The following NFE2L2 variants were observed in gnomAD, a reference collection of about 807,000 sequenced individuals.
NFE2L2 encodes nuclear factor erythroid 2-related factor 2.
Under a neutral mutation model 49.6 loss-of-function variants are expected in NFE2L2, and 20 were observed. The ratio of observed to expected loss-of-function variants is 0.40; its 90% CI spans 0.28 to 0.59. The LOEUF (loss-of-function observed/expected upper bound fraction) is 0.59, where lower values mean the gene tolerates loss of function less well. Among genes scored for constraint, NFE2L2 ranks in the 20% least tolerant of loss-of-function variants. The probability of loss-of-function intolerance (pLI) is 0.40; values close to 1 mark genes in which losing one functional copy is unlikely to be tolerated. For synonymous variants in NFE2L2, 244 were observed against 256.5 expected, an observed-to-expected ratio of 0.95 and a Z score of 0.47; for missense variants, 578 against 714.2, an observed-to-expected ratio of 0.81 and a Z score of 2.17.
chr2:177,242,922 G>A (rs1184778845), intron 1 of NFE2L2, among the ~76,000 whole-genome samples: 1 of 150,096 alleles, frequency 6.7e-6, no homozygotes, highest in Non-Finnish European at 1.5e-5. Flanking sequence ...TTTTTTTTTG[G>A]TGGTTTGTGT....
At chr2:177,251,937 C>T (rs1432555507) in intron 1 of NFE2L2, among the ~76,000 whole-genome samples, 9 of 132,458 alleles carry the variant, frequency 6.8e-5, no homozygotes, top group African/African-American at 2.0e-4. Context: ...ACCCGGGAGG[C>T]GGAGCTTGCA....
rs925830138 is a variant in NFE2L2, at chr2:177,230,907, T to C, written c.1696A>G (p.Ser566Gly). 6.2e-7 allele frequency: 1 copy of C among 1,614,132 alleles called. No individual in the cohort carries two copies. Residue 566 changes from serine to glycine, a missense_variant, in exon 5 of 5, where the codon AGC becomes GGC. Ser to Gly is a moderately conservative substitution (Grantham distance 56, BLOSUM62 0). Coordinates refer to ENST00000397062, the MANE Select transcript of NFE2L2 (RefSeq NM_006164.5). The stretch of plus-strand genomic sequence containing the variant: ...TTTCCATCTTCATCACGTAGCATGC[T>C]GAAAACTTCGAGATATAAGGTGCTG... ...QLSTLYLEVF[S>G]MLRDEDGKPY...
In NFE2L2 at chr2:177,233,268, C is replaced by G. The variant is rs199970826; in HGVS notation, c.384G>C (p.Pro128=). The change falls in exon 3 of 5, where the codon CCG becomes CCC. Residue 128 remains proline, a synonymous_variant. Transcript: ENST00000397062. ...ACCTCACCTCATTGTCATCTACAAACGGGAATGTCTGCGCCAAAAGCTGCA... is the reference window on the plus strand; with the variant it reads ...ACCTCACCTCATTGTCATCTACAAAGGGGAATGTCTGCGCCAAAAGCTGCA... The part of the protein sequence containing the change: ...DCMQLLAQTF[P]FVDDNEVSSA... 3 of 1,595,260 alleles carry G rather than the reference C, an allele frequency of 1.9e-6. No homozygotes were observed. The Admixed American group carries it at 5.5e-5, about 29-fold the overall frequency.
At chr2:177,264,367 C>A (rs1415822257) in intron 1 of NFE2L2, 165 bp downstream of exon 1, 3 of 627,398 alleles carry the variant, frequency 4.8e-6, no homozygotes, top group Non-Finnish European at 5.0e-6. Flanking sequence ...TGCCCCTCCC[C>A]GCCCTGCCCC....
At chr2:177,249,881 G>A (rs1690270610) in intron 1 of NFE2L2, among the ~76,000 whole-genome samples, 3 of 152,114 alleles carry the variant, frequency 2.0e-5, no homozygotes, top group Non-Finnish European at 4.4e-5. Flanking sequence ...CAGTTCCTTG[G>A]TTGCATGAGC....
intron 1 of NFE2L2, among the ~76,000 whole-genome samples, chr2:177,247,698 A>G (rs1042605932): frequency 5.9e-5 from 9 of 151,882 alleles, no homozygotes; most frequent in East Asian, 5.8e-4. Flanking sequence ...AAAAAAAAAA[A>G]AAAAGAAAAA....
At chr2:177,255,726 AT>A (rs1186861195) in intron 1 of NFE2L2, among the ~76,000 whole-genome samples, 1 of 151,868 alleles carries the variant, frequency 6.6e-6, no homozygotes, top group Non-Finnish European at 1.5e-5. Flanking sequence ...GATCCAGCTA[AT>A]TTTTTTAATT....
chr2:177,232,791 G>A (rs1172382771), intron 3 of NFE2L2: 1 of 547,872 alleles, frequency 1.8e-6, no homozygotes, highest in East Asian at 2.9e-5. Context: ...TTCAGCTTAA[G>A]CATTTGAAAG....
At chr2:177,245,813 T>C (rs1243772111) in intron 1 of NFE2L2, among the ~76,000 whole-genome samples, 1 of 152,176 alleles carries the variant, frequency 6.6e-6, no homozygotes, top group Non-Finnish European at 1.5e-5. Flanking sequence ...TTTTGCCATG[T>C]TGGCCAAGCT....
chr2:177,263,950 G>A (rs1468238615), intron 1 of NFE2L2: 10 of 985,478 alleles, frequency 1.0e-5, no homozygotes, highest in Non-Finnish European at 3.6e-6. Context: ...GCAAAGCCGC[G>A]CCCACAGACG....
intron 1 of NFE2L2, among the ~76,000 whole-genome samples, chr2:177,250,699 C>T (rs1690305422): frequency 6.6e-6 from 1 of 152,212 alleles, no homozygotes; most frequent in South Asian, 2.1e-4. Flanking sequence ...TCAGGTTTAT[C>T]TTAAAGAACC....
intron 1 of NFE2L2, among the ~76,000 whole-genome samples, chr2:177,251,965 C>T (rs904612386): frequency 7.3e-6 from 1 of 136,874 alleles, no homozygotes; most frequent in Non-Finnish European, 1.5e-5. Flanking sequence ...GAGATCACAC[C>T]AGTCCAGCCT....
chr2:177,233,867 G>T, intron 2 of NFE2L2, 138 bp downstream of exon 2: 1 of 1,142,906 alleles, frequency 8.7e-7, no homozygotes, highest in Non-Finnish European at 1.2e-6. Context: ...CTCATCAGGA[G>T]GCTGAGGTTG....
chr2:177,262,226 G>A (rs1269626416), intron 1 of NFE2L2, among the ~76,000 whole-genome samples: 1 of 152,156 alleles, frequency 6.6e-6, no homozygotes, highest in African/African-American at 2.4e-5. Flanking sequence ...TGAGAGGCCT[G>A]TCCTATTTTT....
At chr2:177,257,975 AC>A (rs759129909) in intron 1 of NFE2L2, among the ~76,000 whole-genome samples, 1 of 152,262 alleles carries the variant, frequency 6.6e-6, no homozygotes, top group Non-Finnish European at 1.5e-5. Context: ...GCCCTAGGGC[AC>A]TGGCTCTCAA....
At chr2:177,263,966 G>A in intron 1 of NFE2L2, 2 of 984,270 alleles carry the variant, frequency 2.0e-6, no homozygotes, top group Non-Finnish European at 2.4e-6. Flanking sequence ...AGACGGCCCA[G>A]CGGGGTGAGC....
intron 1 of NFE2L2, among the ~76,000 whole-genome samples, chr2:177,263,164 G>A (rs1690799986): frequency 6.6e-6 from 1 of 152,216 alleles, no homozygotes. Flanking sequence ...TACAAAGGAT[G>A]AGCAGAAACT....
rs1690841588 is a variant in NFE2L2 at position 177,263,963 on chromosome 2, C to A, written c.45+569G>T. The A allele has an allele frequency of 9.1e-6, 9 of 984,744 alleles. 1 individual carries two copies. The South Asian group carries it at 4.2e-4, about 46-fold the overall frequency. The allele number at this position is 984,744 out of a possible 1,614,324, so 61.0% of individuals were successfully genotyped here. The stretch of plus-strand genomic sequence containing the variant: ...TCGCAAAGCCGCGCCCACAGACGGC[C>A]CAGCGGGGTGAGCGCGTCGCAGCCC... On this transcript the variant is annotated intron_variant, in intron 1 of 4. Coordinates refer to ENST00000397062, the MANE Select transcript of NFE2L2 (RefSeq NM_006164.5).
chr2:177,241,805 T>C (rs1262883755), intron 1 of NFE2L2, among the ~76,000 whole-genome samples: 1 of 152,180 alleles, frequency 6.6e-6, no homozygotes, highest in Non-Finnish European at 1.5e-5. Context: ...CAGTGAGCCA[T>C]GATCATGTAC....
Sources: gnomAD v4.1 joint callset for allele counts (sites outside exome capture counted in the v4.1 genomes callset) on GRCh38, gnomAD v4.1.1 for gene constraint, MANE v1.5 for transcripts, NCBI Gene and HGNC (gene_info 2026-07-23, HGNC 2026-07-21) for gene names.